FHL5: variants seen among roughly 807,000 people sequenced by gnomAD.
FHL5 encodes four and a half LIM domains 5, also known as four and a half LIM domains protein 5.
In FHL5, 33 loss-of-function variants were observed where a neutral mutation model predicts 32.0. That is an observed-to-expected ratio of 1.03 (90% CI 0.78 to 1.38). FHL5 has a LOEUF of 1.38. Ranked by LOEUF, FHL5 falls within the 40% of genes most tolerant of loss-of-function variation. FHL5 has a pLI of 0.00. For synonymous variants in FHL5, 114 were observed against 113.6 expected, an observed-to-expected ratio of 1.00 and a Z score of -0.02; for missense variants, 336 against 343.9, an observed-to-expected ratio of 0.98 and a Z score of 0.18.
chr6:96,605,561 C>A (rs1376914362), intron 3 of FHL5, among the ~76,000 whole-genome samples: 3 of 152,120 alleles, frequency 2.0e-5, no homozygotes, highest in Non-Finnish European at 4.4e-5. Context: ...ATTTTTAATA[C>A]CCTTGTAATG....
intron 2 of FHL5, 35 bp from the exon 3 acceptor site, chr6:96,604,715 C>T: frequency 6.4e-7 from 1 of 1,559,458 alleles, no homozygotes; most frequent in Non-Finnish European, 8.7e-7. Flanking sequence ...ATTGTCACAA[C>T]CACATTTAAT....
At chr6:96,615,397 G>C (rs889472796) in intron 5 of FHL5, among the ~76,000 whole-genome samples, 10 of 152,178 alleles carry the variant, frequency 6.6e-5, no homozygotes, top group African/African-American at 2.4e-4. Context: ...GAATTTGGCT[G>C]TGAATCTGGT....
intron 1 of FHL5, among the ~76,000 whole-genome samples, chr6:96,596,588 A>G (rs1413777875): frequency 6.7e-6 from 1 of 150,302 alleles, no homozygotes; most frequent in Non-Finnish European, 1.5e-5. Context: ...CATAACATGC[A>G]TTTATCCGTG....
intron 1 of FHL5, among the ~76,000 whole-genome samples, chr6:96,576,263 C>G (rs1025688277): frequency 6.6e-6 from 1 of 152,238 alleles, no homozygotes; most frequent in African/African-American, 2.4e-5. Context: ...TCTCTTCCAT[C>G]TGCAAATATT....
At chr6:96,570,267 T>A (rs987175706) in intron 1 of FHL5, among the ~76,000 whole-genome samples, 1 of 151,962 alleles carries the variant, frequency 6.6e-6, no homozygotes, top group African/African-American at 2.4e-5. Flanking sequence ...TAGCTAGCAA[T>A]TTTTTTTCTT....
chr6:96,616,300 T>C lies in FHL5; in HGVS notation c.*528T>C, dbSNP rs1460176255. The C allele has an allele frequency of 6.6e-6, 1 of 152,192 alleles. No homozygotes were observed. Among genetic ancestry groups the C allele is most frequent in the Non-Finnish European group, 1.5e-5 (1 of 68,052 alleles). 9.4% of individuals were successfully genotyped at this position (152,192 alleles called of 1,614,324 possible). A position where few individuals can be genotyped will look rare whatever the true frequency, so the allele number is the denominator to read the frequency against. On this transcript the variant is annotated 3_prime_UTR_variant, in exon 6 of 6. Coordinates refer to ENST00000450218, the MANE Select transcript of FHL5 (RefSeq NM_001322466.2). ...TAAAAATCATCCTTTTTTTCACACATACTGACTGTAGAATTAAAAAACAAA... is the reference window on the plus strand; with the variant it reads ...TAAAAATCATCCTTTTTTTCACACACACTGACTGTAGAATTAAAAAACAAA...
In FHL5 at chr6:96,604,893, G is replaced by C; in HGVS notation, c.303G>C (p.Lys101Asn). Residue 101 changes from lysine (K) to asparagine (N), a missense_variant, in exon 3 of 6, where the codon AAG (lysine) becomes AAC (asparagine). Transcript: ENST00000450218. ...GCTATTCTAACGAGTGCTCCTCCAA[G>C]TGCTTCCACTGCAAGAGGACCATCA... ...TECYSNECSS[K>N]CFHCKRTIMP... 1 of 1,611,066 alleles carries C rather than the reference G, an allele frequency of 6.2e-7. No homozygotes were observed. The highest frequency in any genetic ancestry group is 8.5e-7 in the Non-Finnish European group (1 of 1,178,552).
chr6:96,612,625 G>T (rs1233114442), intron 5 of FHL5, among the ~76,000 whole-genome samples: 2 of 151,800 alleles, frequency 1.3e-5, no homozygotes, highest in Non-Finnish European at 2.9e-5. Context: ...ACATGAGGAT[G>T]ATCAAAAGTA....
intron 4 of FHL5, among the ~76,000 whole-genome samples, chr6:96,607,051 GA>G (rs1011580692): frequency 8.0e-5 from 12 of 150,756 alleles, no homozygotes; most frequent in African/African-American, 1.5e-4. Context: ...TTTTCTAAGA[GA>G]AAAAAAAAGT....
At chr6:96,566,578 A>T (rs2127957415) in intron 1 of FHL5, among the ~76,000 whole-genome samples, 1 of 152,046 alleles carries the variant, frequency 6.6e-6, no homozygotes, top group South Asian at 2.1e-4. Flanking sequence ...GAACCTTCAA[A>T]CTGTTTTCCA....
chr6:96,613,348 G>C (rs1161135487), intron 5 of FHL5, among the ~76,000 whole-genome samples: 1 of 152,146 alleles, frequency 6.6e-6, no homozygotes, highest in Non-Finnish European at 1.5e-5. Context: ...ACAAACTCCA[G>C]ATATAGCTAC....
intron 1 of FHL5, among the ~76,000 whole-genome samples, chr6:96,571,332 C>G (rs1010084774): frequency 2.0e-5 from 3 of 152,186 alleles, no homozygotes; most frequent in African/African-American, 7.2e-5. Context: ...GCACTGGCAA[C>G]ATAAGTTTTT....
Position 96,615,811 on chromosome 6 carries a change from G to A in FHL5, c.*39G>A, listed in dbSNP as rs140193407. 175 of 1,508,522 alleles carry A rather than the reference G, an allele frequency of 1.2e-4. 1 individual carries two copies. In the African/African-American group the frequency reaches 1.4e-3, roughly 12 times the overall value. The allele number at this position is 1,508,522 out of a possible 1,614,324, so 93.4% of individuals were successfully genotyped here. On this transcript the variant is annotated 3_prime_UTR_variant, in exon 6 of 6. Coordinates refer to ENST00000450218, the MANE Select transcript of FHL5 (RefSeq NM_001322466.2). The stretch of plus-strand genomic sequence containing the variant: ...CCCACCTAAAATCCATTTTGCCTTC[G>A]TTGTCACTAAAGCCAGAACTCAGTT...
intron 1 of FHL5, among the ~76,000 whole-genome samples, chr6:96,594,405 G>A (rs1770993763): frequency 6.6e-6 from 1 of 151,334 alleles, no homozygotes; most frequent in South Asian, 2.1e-4. Flanking sequence ...CTTGTCACAT[G>A]GCTAGGTCAA....
At chr6:96,585,892 C>T (rs916931080) in intron 1 of FHL5, among the ~76,000 whole-genome samples, 2 of 152,120 alleles carry the variant, frequency 1.3e-5, no homozygotes, top group Non-Finnish European at 2.9e-5. Context: ...TAATAAGACA[C>T]ATATAAGTAG....
chr6:96,615,478 T>A, intron 5 of FHL5, 131 bp from the exon 6 acceptor site: 1 of 620,134 alleles, frequency 1.6e-6, no homozygotes, highest in Non-Finnish European at 2.5e-6. Context: ...AGCAGCATTC[T>A]TTTTTGGGTT....
chr6:96,613,021 C>A (rs932162642), intron 5 of FHL5, among the ~76,000 whole-genome samples: 1 of 152,096 alleles, frequency 6.6e-6, no homozygotes, highest in South Asian at 2.1e-4. Flanking sequence ...GAAATAATTT[C>A]AAGATCTATT....
At chr6:96,610,823 G>T in intron 5 of FHL5, 65 bp downstream of exon 5, 1 of 1,175,898 alleles carries the variant, frequency 8.5e-7, no homozygotes. Context: ...ACACTATCTA[G>T]TTAATTTAGG....
chr6:96,603,664 G>A lies in FHL5; in HGVS notation c.51G>A (p.Gly17=). 6.2e-7 allele frequency: 1 copy of A among 1,612,986 alleles called. No individual in the cohort carries two copies. Among genetic ancestry groups the A allele is most frequent in the East Asian group, 2.2e-5 (1 of 44,778 alleles). Residue 17 remains glycine (G), a synonymous_variant, in exon 2 of 6, where the codon GGG becomes GGA. Transcript: ENST00000450218. ...AATACTGCACAGCATCACTTCTTGG[G>A]AAGAAATATGTACTAAAGGATGACA... ...YCQYCTASLL[G]KKYVLKDDSP...
Sources: gnomAD v4.1 joint callset for allele counts (sites outside exome capture counted in the v4.1 genomes callset) on GRCh38, gnomAD v4.1.1 for gene constraint, MANE v1.5 for transcripts, NCBI Gene and HGNC (gene_info 2026-07-23, HGNC 2026-07-21) for gene names.